CDK18: variants seen among roughly 807,000 people sequenced by gnomAD.
CDK18 encodes cyclin-dependent kinase 18.
Under a neutral mutation model 62.0 loss-of-function variants are expected in CDK18, and 52 were observed. The ratio of observed to expected loss-of-function variants is 0.84; its 90% CI spans 0.67 to 1.06. The LOEUF (loss-of-function observed/expected upper bound fraction) is 1.06, where lower values mean the gene tolerates loss of function less well. Among genes scored for constraint, CDK18 ranks in the 50% least tolerant of loss-of-function variants. CDK18 has a pLI of 0.00. For missense variants in CDK18, 604 were observed against 619.9 expected, an observed-to-expected ratio of 0.97 and a Z score of 0.27; for synonymous variants, 237 against 247.0, an observed-to-expected ratio of 0.96 and a Z score of 0.38.
At chr1:205,506,172 G>C (rs899418618) in intron 1 of CDK18, among the ~76,000 whole-genome samples, 1 of 152,190 alleles carries the variant, frequency 6.6e-6, no homozygotes, top group Non-Finnish European at 1.5e-5. Context: ...GGGTGCTGAG[G>C]GTCGGTGGAG....
chr1:205,512,324 CCG>C (rs1667602967), intron 1 of CDK18, among the ~76,000 whole-genome samples: 1 of 152,050 alleles, frequency 6.6e-6, no homozygotes, highest in African/African-American at 2.4e-5. Flanking sequence ...TCCACCAGAC[CCG>C]GGAGGAAGGA....
intron 1 of CDK18, among the ~76,000 whole-genome samples, chr1:205,508,474 G>C (rs964597648): frequency 6.6e-6 from 1 of 152,234 alleles, no homozygotes; most frequent in Non-Finnish European, 1.5e-5. Flanking sequence ...GTCTGGAAGA[G>C]GAAAAGCCGT....
intron 1 of CDK18, chr1:205,522,938 T>G (rs963021159): frequency 1.8e-6 from 1 of 547,176 alleles, no homozygotes; most frequent in Non-Finnish European, 3.2e-6. Flanking sequence ...GTGCTGAGGG[T>G]CACTGGGAGG....
At position 205,530,650 on chromosome 1, in the gene CDK18, G is replaced by A; in HGVS notation, c.1335G>A (p.Lys445=). 1.2e-6 allele frequency: 2 copies of A among 1,613,994 alleles called. No homozygotes were observed. The highest frequency in any genetic ancestry group is 2.2e-5 in the East Asian group (1 of 44,882). ...LEDTASIFSL[K]EIQLQKDPGY... is the part of the protein sequence containing the mutation. Reference sequence around the variant, plus strand: ...CAGCTGCCTCCATCTTCTCCCTGAAGGAGATCCAGCTCCAGAAGGACCCAG... The same window carrying A: ...CAGCTGCCTCCATCTTCTCCCTGAAAGAGATCCAGCTCCAGAAGGACCCAG... Residue 445 remains lysine, a synonymous_variant, in exon 15 of 16, where the codon AAG becomes AAA. Coordinates refer to ENST00000429964, the MANE Select transcript of CDK18 (RefSeq NM_212502.3).
chr1:205,531,290 G>T, intron 15 of CDK18, 54 bp from the exon 16 acceptor site: 2 of 1,558,440 alleles, frequency 1.3e-6, no homozygotes, highest in South Asian at 2.2e-5. Context: ...CTGACCTGGG[G>T]TACCCGTCAG....
chr1:205,506,603 CTG>C (rs1667317559), intron 1 of CDK18, among the ~76,000 whole-genome samples: 2 of 152,206 alleles, frequency 1.3e-5, no homozygotes, highest in Admixed American at 6.5e-5. Flanking sequence ...GGTGAAGAAA[CTG>C]AGTCTCTGAG....
At position 205,525,842 on chromosome 1, in the gene CDK18, C is replaced by T. The variant is rs1030356010; in HGVS notation, c.457-223C>T. Among the ~76,000 whole-genome samples the T allele has an allele frequency of 3.9e-5, 6 of 152,060 alleles. No homozygotes were observed. The South Asian group carries it at 1.0e-3, about 26-fold the overall frequency. ...CCTGGTGTTATCATAGACGGGCACG[C>T]GGCGTGCTGGGGCTTAGAGGAAGGA... On this transcript the variant is annotated intron_variant, in intron 5 of 15. Coordinates refer to ENST00000429964, the MANE Select transcript of CDK18 (RefSeq NM_212502.3).
Position 205,528,067 on chromosome 1 carries a change from A to G in CDK18, c.873A>G (p.Ser291=). ...LADFGLARAK[S]VPTKTYSNEV... is the part of the protein sequence containing the mutation. The stretch of plus-strand genomic sequence containing the variant: ...CCCCAGGACTGGCCAGGGCCAAGTC[A>G]GTGCCCACAAAGACTTACTCCAATG... The change falls in exon 10 of 16, where the codon TCA becomes TCG. Residue 291 remains serine, a synonymous_variant. Coordinates refer to ENST00000429964, the MANE Select transcript of CDK18 (RefSeq NM_212502.3). The surrounding 1 kb of genome is among the most constrained non-coding windows in gnomAD (Gnocchi z 4.2). 1 of 1,614,180 alleles carries G rather than the reference A, an allele frequency of 6.2e-7. No individual in the cohort carries two copies. The highest frequency in any genetic ancestry group is 8.5e-7 in the Non-Finnish European group (1 of 1,180,010).
intron 1 of CDK18, among the ~76,000 whole-genome samples, chr1:205,513,763 G>C (rs1231461749): frequency 6.6e-6 from 1 of 152,236 alleles, no homozygotes. Context: ...GGAGGCCCTA[G>C]CTCAATGCAT....
At chr1:205,507,338 T>C (rs1575038537) in intron 1 of CDK18, among the ~76,000 whole-genome samples, 1 of 151,954 alleles carries the variant, frequency 6.6e-6, no homozygotes, top group African/African-American at 2.4e-5. Flanking sequence ...TAGAGGGCTG[T>C]TATAAGATTT....
chr1:205,527,770 A>G lies in CDK18; in HGVS notation c.730-24A>G. ...GAGGCTCAGGGCCACCTTCCACCCCACATTTCTCTTCCCCCTCCCCCAGAT... is the reference window on the plus strand; with the variant it reads ...GAGGCTCAGGGCCACCTTCCACCCCGCATTTCTCTTCCCCCTCCCCCAGAT... On this transcript the variant is annotated intron_variant, in intron 8 of 15. Coordinates refer to ENST00000429964, the MANE Select transcript of CDK18 (RefSeq NM_212502.3). The surrounding 1 kb of genome is among the most constrained non-coding windows in gnomAD (Gnocchi z 4.1). 6.2e-7 allele frequency: 1 copy of G among 1,612,204 alleles called. No individual in the cohort carries two copies. The highest frequency in any genetic ancestry group is 2.2e-5 in the East Asian group (1 of 44,840).
At position 205,527,980 on chromosome 1, in the gene CDK18, G is replaced by A; in HGVS notation, c.853+63G>A. ...GGGTGCCTCAGGGTGTGGGTGCAGT[G>A]GGGGAGGGCATAGCAGTCAACCCCA... On this transcript the variant is annotated intron_variant, in intron 9 of 15. Transcript: ENST00000429964. This position sits in a 1 kb window ranked among gnomAD's most constrained non-coding sequence, Gnocchi z 4.1. The A allele has an allele frequency of 6.2e-7, 1 of 1,613,018 alleles. No individual in the cohort carries two copies. The highest frequency in any genetic ancestry group is 8.5e-7 in the Non-Finnish European group (1 of 1,179,206).
chr1:205,519,529 A>G (rs1226464727), intron 1 of CDK18, among the ~76,000 whole-genome samples: 1 of 150,992 alleles, frequency 6.6e-6, no homozygotes, highest in African/African-American at 2.4e-5. Context: ...CCTACATCTG[A>G]CCCCCATCCC....
chr1:205,508,340 C>A (rs1221651836), intron 1 of CDK18, among the ~76,000 whole-genome samples: 1 of 152,254 alleles, frequency 6.6e-6, no homozygotes, highest in Non-Finnish European at 1.5e-5. Flanking sequence ...TACACACACA[C>A]AGCTGCATGC....
intron 1 of CDK18, among the ~76,000 whole-genome samples, chr1:205,519,268 G>A (rs1575059926): frequency 2.6e-5 from 4 of 152,172 alleles, no homozygotes; most frequent in African/African-American, 9.7e-5. Flanking sequence ...AAATGACAGA[G>A]GCATCTTGTG....
Position 205,529,087 on chromosome 1 carries a change from C to A in CDK18, c.1063C>A (p.Arg355Ser). The part of the protein sequence containing the change: ...TVKEELHLIF[R>S]LLGTPTEETW... ...CAAGGAGGAGCTGCACCTCATCTTT[C>A]GCCTCCTCGGTCAGTCTCCCGCTGC... Residue 355 changes from arginine to serine, a missense_variant, in exon 11 of 16, where the codon CGC becomes AGC. By Grantham distance (110) the Arg-to-Ser change is moderately radical. Coordinates refer to ENST00000429964, the MANE Select transcript of CDK18 (RefSeq NM_212502.3). 6.3e-7 allele frequency: 1 copy of A among 1,580,450 alleles called. No individual in the cohort carries two copies. Among genetic ancestry groups the A allele is most frequent in the Non-Finnish European group, 8.6e-7 (1 of 1,162,916 alleles).
In CDK18 at chr1:205,520,486, G is replaced by T. The variant is rs537409717; in HGVS notation, c.-21-2661G>T. Among the ~76,000 whole-genome samples the T allele has an allele frequency of 2.0e-5, 3 of 152,206 alleles. No homozygotes were observed. The East Asian group carries it at 5.8e-4, about 29-fold the overall frequency. On this transcript the variant is annotated intron_variant, in intron 1 of 15. Coordinates refer to ENST00000429964, the MANE Select transcript of CDK18 (RefSeq NM_212502.3). ...GGCCGAGGAGGGGCAGATCACTTGA[G>T]GTCAGGAGTTCGAGACCAGCCTGGC...
rs756666683 is a variant in CDK18, at chr1:205,529,539, C to T, written c.1197C>T (p.Ile399=). The T allele has an allele frequency of 1.2e-6, 2 of 1,612,356 alleles. No individual in the cohort carries two copies. The highest frequency in any genetic ancestry group is 1.7e-5 in the Admixed American group (1 of 59,862). ...CTTGCAGGTTGGATACGGATGGCATCCACCTCCTGAGCAGCCTGCTCCTGG... is the reference window on the plus strand; with the variant it reads ...CTTGCAGGTTGGATACGGATGGCATTCACCTCCTGAGCAGCCTGCTCCTGG... ...NHAPRLDTDG[I]HLLSSLLLYE... The change falls in exon 13 of 16, where the codon ATC becomes ATT. Residue 399 remains isoleucine, a synonymous_variant. Coordinates refer to ENST00000429964, the MANE Select transcript of CDK18 (RefSeq NM_212502.3).
chr1:205,529,428 A>C lies in CDK18; in HGVS notation c.1177A>C (p.Arg393=), dbSNP rs1374072303. 1.9e-6 allele frequency: 3 copies of C among 1,613,396 alleles called. No homozygotes were observed. The highest frequency in any genetic ancestry group is 2.5e-6 in the Non-Finnish European group (3 of 1,179,718). Reference sequence around the variant, plus strand: ...GCAGCCGCTCATCAACCACGCGCCCAGGTAGCCCCTGCGCCCGCCGCCCCT... The same window carrying C: ...GCAGCCGCTCATCAACCACGCGCCCCGGTAGCCCCTGCGCCCGCCGCCCCT... ...LPQPLINHAP[R]LDTDGIHLLS... Residue 393 remains arginine, a splice_region_variant and synonymous_variant, in exon 12 of 16, where the codon AGG becomes CGG. Coordinates refer to ENST00000429964, the MANE Select transcript of CDK18 (RefSeq NM_212502.3).
Sources: gnomAD v4.1 joint callset for allele counts (sites outside exome capture counted in the v4.1 genomes callset) on GRCh38, gnomAD v4.1.1 for gene constraint, Gnocchi (gnomAD v3.1) non-coding constraint, MANE v1.5 for transcripts, NCBI Gene and HGNC (gene_info 2026-07-23, HGNC 2026-07-21) for gene names.